Variants in CA10 observed in about 807,000 individuals in gnomAD.
CA10 encodes the protein carbonic anhydrase-related protein 10.
A neutral mutation model predicts 44.2 loss-of-function variants in CA10; 14 were observed. That is an observed-to-expected ratio of 0.32 (90% confidence interval 0.21 to 0.50). CA10 has a LOEUF of 0.50. Ranked by LOEUF, CA10 falls within the 20% of genes least tolerant of loss-of-function variation. The pLI is 0.99. For synonymous variants in CA10, 159 were observed against 141.6 expected, an observed-to-expected ratio of 1.12 and a Z score of -0.87; for missense variants, 350 against 409.7, an observed-to-expected ratio of 0.85 and a Z score of 1.26.
chr17:52,048,509 T>C (rs1986975154), intron 2 of CA10, among the ~76,000 whole-genome samples: 1 of 151,798 alleles, frequency 6.6e-6, no homozygotes, highest in Non-Finnish European at 1.5e-5. Flanking sequence ...TCGTAAAGAG[T>C]ACAAAGAAAG....
At chr17:51,743,157 T>TC (rs1159605697) in intron 4 of CA10, among the ~76,000 whole-genome samples, 3 of 152,226 alleles carry the variant, frequency 2.0e-5, no homozygotes, top group Non-Finnish European at 4.4e-5. Flanking sequence ...CGTGTACCCT[T>TC]CTGCCCCCTT....
chr17:51,720,341 C>A (rs1598008438), intron 4 of CA10, among the ~76,000 whole-genome samples: 1 of 152,188 alleles, frequency 6.6e-6, no homozygotes, highest in Middle Eastern at 3.4e-3. Flanking sequence ...TTTTGTTATT[C>A]ATAATGAACA....
chr17:52,058,179 C>G (rs1049437050), intron 2 of CA10, among the ~76,000 whole-genome samples: 4 of 152,030 alleles, frequency 2.6e-5, no homozygotes, highest in African/African-American at 9.7e-5. Context: ...CACGTGCCTC[C>G]CTGGATCAGA....
chr17:51,705,058 G>T (rs887981914), intron 4 of CA10, among the ~76,000 whole-genome samples: 10 of 151,258 alleles, frequency 6.6e-5, no homozygotes, highest in Admixed American at 1.3e-4. Context: ...ATTCCTCTTC[G>T]GCTAAAGATC....
At chr17:52,003,764 G>A (rs1985508056) in intron 2 of CA10, among the ~76,000 whole-genome samples, 1 of 151,916 alleles carries the variant, frequency 6.6e-6, no homozygotes, top group Non-Finnish European at 1.5e-5. Context: ...GGAAAAGGCA[G>A]AGAAAGAGAC....
intron 4 of CA10, among the ~76,000 whole-genome samples, chr17:51,677,383 T>A (rs768752265): frequency 6.6e-6 from 1 of 152,090 alleles, no homozygotes; most frequent in Non-Finnish European, 1.5e-5. Context: ...ACCTCCTCCC[T>A]TGTGCTCTTC....
chr17:51,879,813 T>C (rs902420020), intron 3 of CA10, among the ~76,000 whole-genome samples: 11 of 152,162 alleles, frequency 7.2e-5, no homozygotes, highest in Non-Finnish European at 8.8e-5. Flanking sequence ...GGAGAATTCT[T>C]CTAAAAAGAA....
At position 51,811,034 on chromosome 17, in the gene CA10, G is replaced by GA. The variant is rs1567847348; in HGVS notation, c.280-63217dup. Among the ~76,000 whole-genome samples, 3 of 152,062 alleles carry GA rather than the reference G, an allele frequency of 2.0e-5. No homozygotes were observed. In the East Asian group the frequency reaches 5.8e-4, roughly 29 times the overall value. On this transcript the variant is annotated intron_variant, in intron 3 of 8. Coordinates refer to ENST00000451037, the MANE Select transcript of CA10 (RefSeq NM_020178.5). ...AACATGGCGAAACCACGTCTGTACT[G>GA]AAAATACAAAAATTAGCCGGGCATG... is the stretch of plus-strand genomic sequence containing the variant.
intron 3 of CA10, among the ~76,000 whole-genome samples, chr17:51,805,933 C>T (rs1221696606): frequency 6.6e-6 from 1 of 152,178 alleles, no homozygotes; most frequent in East Asian, 1.9e-4. Context: ...TGAGAACAAA[C>T]CAGCTGTGCA....
chr17:51,843,379 C>T lies in CA10; in HGVS notation c.279+87611G>A, dbSNP rs533395504. On this transcript the variant is annotated intron_variant, in intron 3 of 8. Coordinates refer to ENST00000451037, the MANE Select transcript of CA10 (RefSeq NM_020178.5). ...CGTGACATTTATAAGAAAAGACATC[C>T]TGTCATTTATTTTTGTTACACTGGT... Among the ~76,000 whole-genome samples the T allele has an allele frequency of 5.3e-5, 8 of 152,304 alleles. No homozygotes were observed. In the East Asian group the frequency reaches 1.5e-3, roughly 29 times the overall value.
chr17:52,114,821 C>A (rs1246665173), intron 1 of CA10, among the ~76,000 whole-genome samples: 1 of 152,150 alleles, frequency 6.6e-6, no homozygotes, highest in African/African-American at 2.4e-5. Context: ...CAGGTCCTGG[C>A]TCCAGACTAC....
intron 3 of CA10, among the ~76,000 whole-genome samples, chr17:51,804,545 C>T (rs1907057633): frequency 6.6e-6 from 1 of 152,114 alleles, no homozygotes; most frequent in South Asian, 2.1e-4. Context: ...TTTGTTTTCC[C>T]CTTATTGAAA....
intron 4 of CA10, among the ~76,000 whole-genome samples, chr17:51,688,058 G>C (rs564959579): frequency 5.9e-5 from 9 of 152,250 alleles, no homozygotes; most frequent in African/African-American, 9.6e-5. Flanking sequence ...ACCTGCTTTG[G>C]GGGGAGATGG....
intron 3 of CA10, among the ~76,000 whole-genome samples, chr17:51,816,909 A>G (rs1288986656): frequency 6.6e-6 from 1 of 152,202 alleles, no homozygotes; most frequent in Non-Finnish European, 1.5e-5. Context: ...TGCATGGAGC[A>G]GAGTCCTCCC....
At position 51,822,565 on chromosome 17, in the gene CA10, T is replaced by G. The variant is rs535371656; in HGVS notation, c.280-74747A>C. Among the ~76,000 whole-genome samples the G allele has an allele frequency of 4.6e-5, 7 of 152,354 alleles. No homozygotes were observed. The South Asian group carries it at 1.5e-3, about 32-fold the overall frequency. ...TTTTTCTGGACATATATAAATTGTT[T>G]AGGTGTTTACTGTCCTTCACTCCAT... On this transcript the variant is annotated intron_variant, in intron 3 of 8. Coordinates refer to ENST00000451037, the MANE Select transcript of CA10 (RefSeq NM_020178.5).
At chr17:51,905,855 C>CA (rs1485788369) in intron 3 of CA10, among the ~76,000 whole-genome samples, 1 of 152,098 alleles carries the variant, frequency 6.6e-6, no homozygotes, top group African/African-American at 2.4e-5. Flanking sequence ...CCTTGATTCT[C>CA]ATTTGAGAAT....
intron 2 of CA10, among the ~76,000 whole-genome samples, chr17:51,932,365 TATAGC>T (rs1982699354): frequency 6.6e-6 from 1 of 152,126 alleles, no homozygotes; most frequent in African/African-American, 2.4e-5. Context: ...CATTCTTGCC[TATAGC>T]ATAGATGGAG....
chr17:51,982,735 C>T (rs1373759927), intron 2 of CA10, among the ~76,000 whole-genome samples: 4 of 151,856 alleles, frequency 2.6e-5, no homozygotes, highest in Non-Finnish European at 1.5e-5. Flanking sequence ...TAAATTACAT[C>T]ATCAACTTTA....
chr17:51,642,760 A>G (rs981083932), intron 6 of CA10, among the ~76,000 whole-genome samples: 12 of 152,028 alleles, frequency 7.9e-5, no homozygotes, highest in African/African-American at 2.7e-4. Context: ...GTCCTGCCTC[A>G]GCCTCCCGAG....
Sources: gnomAD v4.1 joint callset for allele counts (sites outside exome capture counted in the v4.1 genomes callset) on GRCh38, gnomAD v4.1.1 for gene constraint, MANE v1.5 for transcripts, NCBI Gene and HGNC (gene_info 2026-07-23, HGNC 2026-07-21) for gene names.